Variants in SRGAP2 observed in about 807,000 individuals in gnomAD.
SRGAP2 encodes the protein SLIT-ROBO Rho GTPase activating protein 2.
In SRGAP2, 15 loss-of-function variants were observed where a neutral mutation model predicts 57.2. The observed-to-expected ratio is 0.26, with a 90% CI of 0.18 to 0.40. The LOEUF (loss-of-function observed/expected upper bound fraction) is 0.40. Among genes scored for constraint, SRGAP2 ranks in the 10% least tolerant of loss-of-function variants. SRGAP2 has a pLI of 1.00. For missense variants in SRGAP2, 520 were observed against 669.6 expected, an observed-to-expected ratio of 0.78 and a Z score of 2.47; for synonymous variants, 249 against 248.0, an observed-to-expected ratio of 1.00 and a Z score of -0.04.
intron 14 of SRGAP2, among the ~76,000 whole-genome samples, chr1:206,435,285 A>C (rs181748029): frequency 6.4e-4 from 98 of 152,356 alleles, no homozygotes; most frequent in African/African-American, 2.3e-3. Flanking sequence ...AGAAACCCTC[A>C]AACAGTGGGC....
At chr1:206,453,775 A>G (rs1324707124) in intron 20 of SRGAP2, 3 of 269,964 alleles carry the variant, frequency 1.1e-5, no homozygotes, top group Non-Finnish European at 2.1e-5. Context: ...TTTTTAAACA[A>G]CTATGCTCAC....
chr1:206,239,867 G>C (rs1218160005), intron 2 of SRGAP2, among the ~76,000 whole-genome samples: 1 of 150,854 alleles, frequency 6.6e-6, no homozygotes, highest in African/African-American at 2.5e-5. Context: ...GATATCTTGA[G>C]AAGATTATAG....
rs1662819560 is a variant in SRGAP2 at position 206,447,080 on chromosome 1, C to T, written c.2099+781C>T. On this transcript the variant is annotated intron_variant, in intron 18 of 22. Transcript: ENST00000573034. ...TCTTTGTACAGGGTACAGTCCGTTA[C>T]CCCATGCCACCCGCCATGGTACCAT... 2.0e-5 allele frequency among the ~76,000 whole-genome samples: 3 copies of T among 152,194 alleles called. No homozygotes were observed. In the South Asian group the frequency reaches 6.2e-4, roughly 31 times the overall value.
At chr1:206,266,296 T>G (rs551575236) in intron 2 of SRGAP2, among the ~76,000 whole-genome samples, 4,021 of 151,202 alleles carry the variant, frequency 0.027, 170 homozygotes, top group African/African-American at 0.093. Context: ...CAGGCTGGAG[T>G]GCAATGGTGC....
intron 16 of SRGAP2, among the ~76,000 whole-genome samples, chr1:206,439,306 T>C (rs950120756): frequency 6.6e-6 from 1 of 151,978 alleles, no homozygotes; most frequent in Non-Finnish European, 1.5e-5. Flanking sequence ...AAGAAAACCT[T>C]TCAGGTCTCC....
At chr1:206,458,227 A>T (rs1276246862) in intron 21 of SRGAP2, 2 of 397,126 alleles carry the variant, frequency 5.0e-6, no homozygotes, top group African/African-American at 4.2e-5. Flanking sequence ...TCTTACCAGC[A>T]ATCTTGACCT....
At chr1:206,409,969 C>T (rs1193730365) in intron 10 of SRGAP2, among the ~76,000 whole-genome samples, 2 of 151,622 alleles carry the variant, frequency 1.3e-5, no homozygotes, top group African/African-American at 2.4e-5. Context: ...GGCGTGGTGG[C>T]GCATGCCTGT....
intron 12 of SRGAP2, among the ~76,000 whole-genome samples, chr1:206,419,740 T>C (rs1299949313): frequency 2.0e-5 from 3 of 151,538 alleles, no homozygotes; most frequent in Non-Finnish European, 4.4e-5. Context: ...CCTTAGCTGC[T>C]AGACTTCAAC....
chr1:206,207,019 GA>G (rs1457207936), intron 2 of SRGAP2: 3 of 146,888 alleles, frequency 2.0e-5, no homozygotes, highest in Non-Finnish European at 4.5e-5. Flanking sequence ...TCACTGGAAA[GA>G]GCCATGTGGC....
At chr1:206,424,834 T>C (rs1553365738) in intron 13 of SRGAP2, among the ~76,000 whole-genome samples, 1 of 152,236 alleles carries the variant, frequency 6.6e-6, no homozygotes, top group African/African-American at 2.4e-5. Context: ...AAAGCCTTTG[T>C]GACTTTGTCC....
intron 2 of SRGAP2, among the ~76,000 whole-genome samples, chr1:206,290,358 G>C (rs1391970939): frequency 6.6e-6 from 1 of 152,206 alleles, no homozygotes; most frequent in African/African-American, 2.4e-5. Context: ...TATCAGAAAT[G>C]TATATAAGTC....
At chr1:206,428,937 C>T (rs11120068) in intron 13 of SRGAP2, among the ~76,000 whole-genome samples, 3,415 of 152,144 alleles carry the variant, frequency 0.022, 54 homozygotes, top group African/African-American at 0.036. Flanking sequence ...TGTGAGCGAC[C>T]GCACCTGGCC....
chr1:206,447,916 CA>C (rs1169391529), intron 18 of SRGAP2, among the ~76,000 whole-genome samples: 35,404 of 152,112 alleles, frequency 0.23, 4,808 homozygotes, highest in East Asian at 0.65. Context: ...CCAACCTACC[CA>C]CCTGTTTCTT....
intron 18 of SRGAP2, among the ~76,000 whole-genome samples, chr1:206,448,149 C>T (rs887274324): frequency 1.3e-5 from 2 of 152,092 alleles, no homozygotes; most frequent in Admixed American, 6.5e-5. Context: ...GCCCCGGGAG[C>T]TAAGGCAGTA....
At chr1:206,284,151 G>T (rs1336045799) in intron 2 of SRGAP2, among the ~76,000 whole-genome samples, 1 of 149,304 alleles carries the variant, frequency 6.7e-6, no homozygotes, top group Admixed American at 6.7e-5. Context: ...CATGGTAGCG[G>T]TTACCACAGA....
Position 206,454,879 on chromosome 1 carries a change from G to A in SRGAP2, c.2362G>A (p.Glu788Lys), listed in dbSNP as rs373706280. 5 of 761,674 alleles carry A rather than the reference G, an allele frequency of 6.6e-6. No individual in the cohort carries two copies. Among genetic ancestry groups the A allele is most frequent in the Admixed American group, 3.5e-5 (2 of 57,102 alleles). 47.2% of individuals were successfully genotyped at this position (761,674 alleles called of 1,614,324 possible). ...GCCTGCCTGCCCCTTCTCCCCCAGC[G>A]AGGACGGTGTCGTGGAGAGGTCCAG... is the stretch of plus-strand genomic sequence containing the variant. ...PHQYIVVQDTEDGVVERSSPK... is the reference protein window; with the variant it reads ...PHQYIVVQDTKDGVVERSSPK... Residue 788 changes from glutamate to lysine, a missense_variant and splice_region_variant, in exon 21 of 23, where the codon GAG becomes AAG. Coordinates refer to ENST00000573034, the MANE Select transcript of SRGAP2 (RefSeq NM_015326.5). This position sits in a 1 kb window ranked among gnomAD's most constrained non-coding sequence, Gnocchi z 4.3.
At chr1:206,312,923 C>A (rs1353537607) in intron 3 of SRGAP2, among the ~76,000 whole-genome samples, 1 of 150,846 alleles carries the variant, frequency 6.6e-6, no homozygotes, top group South Asian at 2.1e-4. Context: ...TATGGCCCAG[C>A]AGGACTCTAA....
chr1:206,228,826 T>TAAA lies in SRGAP2; in HGVS notation c.67+22804_67+22806dup, dbSNP rs199965145. ...TAGCAGGGTAATTCCATCAGCGCTT[T>TAAA]AAAAAAAAAAAAAAAAAGATTACAT... is the stretch of plus-strand genomic sequence containing the variant. On this transcript the variant is annotated intron_variant, in intron 2 of 22. Transcript: ENST00000573034. Among the ~76,000 whole-genome samples, 160 of 131,220 alleles carry TAAA rather than the reference T, an allele frequency of 1.2e-3. 1 individual carries two copies. The highest frequency in any genetic ancestry group is 4.3e-3 in the African/African-American group (149 of 34,420). The allele number at this position is 131,220 out of a possible 152,430, so 86.1% of individuals were successfully genotyped here.
rs1270655426 is a variant in SRGAP2, at chr1:206,464,194, T to A, written c.*2774T>A. 1 of 152,654 alleles carries A rather than the reference T, an allele frequency of 6.6e-6. No homozygotes were observed. Among genetic ancestry groups the A allele is most frequent in the Non-Finnish European group, 1.5e-5 (1 of 68,046 alleles). 9.5% of individuals were successfully genotyped at this position (152,654 alleles called of 1,614,324 possible). On this transcript the variant is annotated 3_prime_UTR_variant, in exon 23 of 23. Transcript: ENST00000573034. Reference sequence around the variant, plus strand: ...ATGCGCAGAGCACTGGAAGGGCTGGTGCAGATCTACTTCCCATGCAGAAGA... The same window carrying A: ...ATGCGCAGAGCACTGGAAGGGCTGGAGCAGATCTACTTCCCATGCAGAAGA...
Sources: gnomAD v4.1 joint callset for allele counts (sites outside exome capture counted in the v4.1 genomes callset) on GRCh38, gnomAD v4.1.1 for gene constraint, Gnocchi (gnomAD v3.1) non-coding constraint, MANE v1.5 for transcripts, NCBI Gene and HGNC (gene_info 2026-07-23, HGNC 2026-07-21) for gene names.